LRRC28: variants seen among roughly 807,000 people sequenced by gnomAD.
LRRC28 encodes leucine-rich repeat-containing protein 28.
Under a neutral mutation model 45.7 loss-of-function variants are expected in LRRC28, and 39 were observed. That is an observed-to-expected ratio of 0.85 (90% confidence interval 0.66 to 1.12). The LOEUF is 1.12. Among genes scored for constraint, LRRC28 ranks in the 50% most tolerant of loss-of-function variants. The pLI is 0.00. For synonymous variants in LRRC28, 206 were observed against 178.8 expected (o/e 1.15, Z -1.22); for missense variants, 435 against 438.5 (o/e 0.99, Z 0.07).
intron 9 of LRRC28, among the ~76,000 whole-genome samples, chr15:99,380,773 T>A (rs894498067): frequency 1.3e-5 from 2 of 152,244 alleles, no homozygotes; most frequent in African/African-American, 4.8e-5. Context: ...TAAAGGATTT[T>A]ATTTCTCCTT....
intron 2 of LRRC28, among the ~76,000 whole-genome samples, chr15:99,275,075 A>G (rs2081580199): frequency 6.6e-6 from 1 of 152,156 alleles, no homozygotes; most frequent in Non-Finnish European, 1.5e-5. Context: ...GTATGTGTAA[A>G]TTTGAACCCC....
chr15:99,370,093 T>C (rs1208938170), intron 9 of LRRC28, among the ~76,000 whole-genome samples: 2 of 152,228 alleles, frequency 1.3e-5, no homozygotes, highest in Non-Finnish European at 2.9e-5. Flanking sequence ...ATATCCCTTT[T>C]ACAGGGCAAA....
intron 3 of LRRC28, among the ~76,000 whole-genome samples, chr15:99,279,385 T>TA (rs150325008): frequency 6.6e-6 from 1 of 152,310 alleles, no homozygotes; most frequent in African/African-American, 2.4e-5. Flanking sequence ...TTACAACTGT[T>TA]TCAAGCAGCT....
At chr15:99,362,285 T>A (rs1470762031) in intron 8 of LRRC28, among the ~76,000 whole-genome samples, 1 of 152,214 alleles carries the variant, frequency 6.6e-6, no homozygotes, top group African/African-American at 2.4e-5. Flanking sequence ...AACAGAAAAT[T>A]ATAGTTGTTC....
At chr15:99,318,802 A>AT (rs935672570) in intron 5 of LRRC28, among the ~76,000 whole-genome samples, 18 of 151,956 alleles carry the variant, frequency 1.2e-4, no homozygotes, top group African/African-American at 2.7e-4. Context: ...TAATTGAGAG[A>AT]TTTTTTTTAA....
intron 9 of LRRC28, among the ~76,000 whole-genome samples, chr15:99,376,450 G>A (rs928777458): frequency 2.0e-5 from 3 of 152,044 alleles, no homozygotes; most frequent in African/African-American, 7.2e-5. Flanking sequence ...TAGTATGTGT[G>A]TTTAGTACTG....
intron 3 of LRRC28, chr15:99,285,113 C>T (rs1244905067): frequency 1.4e-6 from 1 of 710,284 alleles, no homozygotes; most frequent in Non-Finnish European, 2.6e-6. Context: ...TCCACGAAGT[C>T]ATGGTCATCA....
At chr15:99,257,124 G>A (rs1364228263) in intron 2 of LRRC28, among the ~76,000 whole-genome samples, 1 of 152,184 alleles carries the variant, frequency 6.6e-6, no homozygotes, top group Non-Finnish European at 1.5e-5. Flanking sequence ...TGGGTAGAAA[G>A]CATTATAAAA....
intron 1 of LRRC28, among the ~76,000 whole-genome samples, chr15:99,254,635 T>C (rs2080963284): frequency 6.6e-6 from 1 of 152,244 alleles, no homozygotes; most frequent in African/African-American, 2.4e-5. Context: ...GAACCCAAGC[T>C]TTGAAATCCA....
At position 99,386,182 on chromosome 15, in the gene LRRC28, C is replaced by G. The variant is rs967400016; in HGVS notation, c.*80C>G. On this transcript the variant is annotated 3_prime_UTR_variant, in exon 10 of 10. Transcript: ENST00000301981. ...AGTCCAGCACACTCTTCCATCCTGTCCTGTCCAATGCGGGGGCACTGCAGA... is the reference window on the plus strand; with the variant it reads ...AGTCCAGCACACTCTTCCATCCTGTGCTGTCCAATGCGGGGGCACTGCAGA... 8 of 1,125,886 alleles carry G rather than the reference C, an allele frequency of 7.1e-6. No individual in the cohort carries two copies. Among genetic ancestry groups the G allele is most frequent in the Non-Finnish European group, 9.5e-6 (7 of 735,756 alleles). 69.7% of individuals were successfully genotyped at this position (1,125,886 alleles called of 1,614,324 possible).
chr15:99,276,451 T>G (rs1184515897), intron 2 of LRRC28, 125 bp from the exon 3 acceptor site: 1 of 633,906 alleles, frequency 1.6e-6, no homozygotes, highest in Non-Finnish European at 2.6e-6. Flanking sequence ...ACCTGCTGAT[T>G]AATTATTTTC....
At chr15:99,385,761 C>G (rs201589631) in intron 9 of LRRC28, among the ~76,000 whole-genome samples, 2 of 121,794 alleles carry the variant, frequency 1.6e-5, no homozygotes, top group African/African-American at 3.1e-5. Flanking sequence ...TTTTTTTTTT[C>G]TTAGTTTCTA....
At chr15:99,381,847 A>G (rs1957835839) in intron 9 of LRRC28, among the ~76,000 whole-genome samples, 2 of 152,228 alleles carry the variant, frequency 1.3e-5, no homozygotes, top group Non-Finnish European at 2.9e-5. Context: ...AGAACAGCAA[A>G]TATTGCTGAA....
chr15:99,256,712 T>C (rs2081032396), intron 2 of LRRC28, among the ~76,000 whole-genome samples: 1 of 152,202 alleles, frequency 6.6e-6, no homozygotes, highest in African/African-American at 2.4e-5. Flanking sequence ...AAGGCAACAT[T>C]TAATTTGCTC....
intron 5 of LRRC28, among the ~76,000 whole-genome samples, chr15:99,333,237 A>G (rs1956214001): frequency 6.6e-6 from 1 of 152,256 alleles, no homozygotes; most frequent in East Asian, 1.9e-4. Flanking sequence ...AAGAGATGAC[A>G]ACTGTAGACA....
intron 2 of LRRC28, among the ~76,000 whole-genome samples, chr15:99,261,823 A>G (rs1372264489): frequency 4.0e-5 from 6 of 151,802 alleles, no homozygotes; most frequent in Admixed American, 6.6e-5. Flanking sequence ...ACGCCCGGCT[A>G]ATTTTGTATT....
intron 5 of LRRC28, among the ~76,000 whole-genome samples, chr15:99,322,635 A>C (rs956247303): frequency 2.0e-5 from 3 of 152,202 alleles, no homozygotes; most frequent in Non-Finnish European, 2.9e-5. Flanking sequence ...AAAGATTTTA[A>C]AAGGTATACT....
At chr15:99,321,413 G>A (rs1033035) in intron 5 of LRRC28, among the ~76,000 whole-genome samples, 73,871 of 152,034 alleles carry the variant, frequency 0.49, 19,286 homozygotes, top group African/African-American at 0.7. Flanking sequence ...TTGAAAATGC[G>A]TAAGAGACTG....
At chr15:99,278,250 TA>T (rs1228002992) in intron 3 of LRRC28, among the ~76,000 whole-genome samples, 7 of 152,140 alleles carry the variant, frequency 4.6e-5, no homozygotes, top group South Asian at 2.1e-4. Context: ...CTTTCTTTTT[TA>T]AAAAAAAATT....
Sources: allele counts gnomAD v4.1 joint callset (sites outside exome capture counted in the v4.1 genomes callset), GRCh38; gene constraint gnomAD v4.1.1; transcripts MANE v1.5; gene names NCBI Gene and HGNC (gene_info 2026-07-23, HGNC 2026-07-21).